The following TANC1 variants were observed in gnomAD, a reference collection of about 807,000 sequenced individuals.
TANC1 encodes the protein protein TANC1.
TANC1 carries 77 observed loss-of-function variants against 149.7 expected under a neutral mutation model. That is an observed-to-expected ratio of 0.51 (90% CI 0.43 to 0.62). The LOEUF (loss-of-function observed/expected upper bound fraction) is 0.62. Among genes scored for constraint, TANC1 ranks in the 20% least tolerant of loss-of-function variants. TANC1 has a pLI of 0.00. For missense variants in TANC1, 1,985 were observed against 2,321.8 expected, an observed-to-expected ratio of 0.85 and a Z score of 2.98; for synonymous variants, 854 against 925.0, an observed-to-expected ratio of 0.92 and a Z score of 1.39.
At chr2:159,119,909 A>G (rs1326725079) in intron 4 of TANC1, among the ~76,000 whole-genome samples, 1 of 152,338 alleles carries the variant, frequency 6.6e-6, no homozygotes, top group East Asian at 1.9e-4. Flanking sequence ...AATGGAAAGC[A>G]TGTGCTTGCC....
intron 4 of TANC1, among the ~76,000 whole-genome samples, chr2:159,134,278 T>C (rs2050419012): frequency 6.6e-6 from 1 of 152,108 alleles, no homozygotes; most frequent in Admixed American, 6.5e-5. Context: ...AGGAAGTGAT[T>C]TTGGACCAAA....
Position 159,149,238 on chromosome 2 carries a change from C to T in TANC1, c.461C>T (p.Thr154Ile), listed in dbSNP as rs1480829827. The change falls in exon 6 of 27, where the codon ACA becomes ATA. Residue 154 changes from threonine (T) to isoleucine (I), a missense_variant. By Grantham distance (89) the Thr-to-Ile change is moderately conservative (BLOSUM62 -1). Around this residue, in one of 3 missense-constraint regions of TANC1, gnomAD observed 557 missense variants for 612.9 expected, o/e 0.91. Coordinates refer to ENST00000263635, the MANE Select transcript of TANC1 (RefSeq NM_033394.3). ...CTGGGAGAAGGGATCCCAAGTGCCA[C>T]ACACATAACCATTGAAGACAAAAAT... is the stretch of plus-strand genomic sequence containing the variant. ...FLLGEGIPSATHITIEDKNET... is the reference protein window; with the variant it reads ...FLLGEGIPSAIHITIEDKNET... 1.2e-6 allele frequency: 2 copies of T among 1,614,064 alleles called. No homozygotes were observed. Among genetic ancestry groups the T allele is most frequent in the Non-Finnish European group, 1.7e-6 (2 of 1,180,016 alleles).
At chr2:158,969,471 A>AAG (rs2032505832) in intron 1 of TANC1, among the ~76,000 whole-genome samples, 1 of 152,196 alleles carries the variant, frequency 6.6e-6, no homozygotes, top group African/African-American at 2.4e-5. Flanking sequence ...GGGCGCTGAG[A>AAG]AGAGCGGTAA....
At chr2:159,148,880 A>C in intron 5 of TANC1, 1 of 307,674 alleles carries the variant, frequency 3.3e-6, no homozygotes, top group East Asian at 5.8e-5. Context: ...ATGACTCGGA[A>C]TTAGGAATTG....
rs144872062 is a variant in TANC1 at position 159,150,199 on chromosome 2, TATAG to T, written c.496-167_496-164del. ...ATTTGGAAGACCACATATACATTTA[TATAG>T]ATAAAGCTCCATGAATCCATATCTA... is the stretch of plus-strand genomic sequence containing the variant. On this transcript the variant is annotated intron_variant, in intron 6 of 26. Coordinates refer to ENST00000263635, the MANE Select transcript of TANC1 (RefSeq NM_033394.3). 5,292 of 562,132 alleles carry T rather than the reference TATAG, an allele frequency of 9.4e-3. 35 individuals are homozygous for T. Among genetic ancestry groups the T allele is most frequent in the Non-Finnish European group, 0.013 (4,052 of 320,930 alleles). The allele number at this position is 562,132 out of a possible 1,614,324, so 34.8% of individuals were successfully genotyped here.
At chr2:159,069,906 C>T (rs1212115404) in intron 3 of TANC1, among the ~76,000 whole-genome samples, 3 of 151,730 alleles carry the variant, frequency 2.0e-5, no homozygotes, top group Non-Finnish European at 4.4e-5. Context: ...GTAGCCACCA[C>T]GCTACCATGC....
chr2:159,164,261 GA>G (rs1232400122), intron 8 of TANC1, among the ~76,000 whole-genome samples: 1 of 151,640 alleles, frequency 6.6e-6, no homozygotes, highest in Non-Finnish European at 1.5e-5. Flanking sequence ...AATACCCAAG[GA>G]AAAAAATCGA....
intron 1 of TANC1, among the ~76,000 whole-genome samples, chr2:158,987,438 G>A (rs1573974786): frequency 6.6e-6 from 1 of 151,884 alleles, no homozygotes; most frequent in East Asian, 1.9e-4. Context: ...GGGGGTAGGA[G>A]GATCGCTTGA....
At chr2:158,981,493 ATATATATATATATATATAT>A (rs1559096051) in intron 1 of TANC1, among the ~76,000 whole-genome samples, 1,424 of 48,554 alleles carry the variant, frequency 0.029, 97 homozygotes, top group East Asian at 0.21. Context: ...TATAGCTTTT[ATATATATATATATATATAT>A]ATATATATAT....
At chr2:159,012,463 T>C (rs1291481112) in intron 2 of TANC1, among the ~76,000 whole-genome samples, 1 of 151,720 alleles carries the variant, frequency 6.6e-6, no homozygotes, top group African/African-American at 2.4e-5. Context: ...AGATGGTGGA[T>C]AGATGGAAGA....
chr2:159,211,552 C>T (rs1158656349), intron 19 of TANC1, among the ~76,000 whole-genome samples: 1 of 152,174 alleles, frequency 6.6e-6, no homozygotes, highest in Non-Finnish European at 1.5e-5. Context: ...GCCTTTGCAG[C>T]AGAATAGCTG....
At chr2:159,148,601 A>G (rs2052416480) in intron 5 of TANC1, 1 of 152,250 alleles carries the variant, frequency 6.6e-6, no homozygotes, top group African/African-American at 2.4e-5. Flanking sequence ...CGTCAAGTTG[A>G]AATCCTGGTT....
At chr2:159,045,306 C>A (rs530656253) in intron 2 of TANC1, among the ~76,000 whole-genome samples, 3 of 152,242 alleles carry the variant, frequency 2.0e-5, no homozygotes, top group African/African-American at 7.2e-5. Context: ...GTGGCACATG[C>A]CTGTAGTCCC....
intron 25 of TANC1, 30 bp downstream of exon 25, chr2:159,227,995 T>A: frequency 6.2e-7 from 1 of 1,600,764 alleles, no homozygotes; most frequent in Non-Finnish European, 8.5e-7. Flanking sequence ...TCCAACCCAG[T>A]CTTCCAGCAA....
intron 4 of TANC1, among the ~76,000 whole-genome samples, chr2:159,130,190 G>C (rs756580014): frequency 3.9e-5 from 6 of 152,102 alleles, no homozygotes; most frequent in Non-Finnish European, 8.8e-5. Flanking sequence ...GTCTTGTTTT[G>C]TTTTTAAGAG....
intron 8 of TANC1, among the ~76,000 whole-genome samples, chr2:159,168,567 C>A (rs1404571630): frequency 6.6e-6 from 1 of 151,930 alleles, no homozygotes; most frequent in Non-Finnish European, 1.5e-5. Flanking sequence ...CTCCCAAAGT[C>A]CTGTGATTAC....
At position 159,163,428 on chromosome 2, in the gene TANC1, G is replaced by A; in HGVS notation, c.828G>A (p.Glu276=). ...ADNCSPVAEE[E]TTGSAESTLP... is the part of the protein sequence containing the mutation. ...ACTGCTCCCCAGTGGCAGAAGAGGAGACCACCGGGTCAGCAGAGAGCACGC... is the reference window on the plus strand; with the variant it reads ...ACTGCTCCCCAGTGGCAGAAGAGGAAACCACCGGGTCAGCAGAGAGCACGC... The change falls in exon 8 of 27, where the codon GAG becomes GAA. Residue 276 remains glutamate (E), a synonymous_variant. Transcript: ENST00000263635. The A allele has an allele frequency of 6.2e-7, 1 of 1,614,192 alleles. No homozygotes were observed. The highest frequency in any genetic ancestry group is 8.5e-7 in the Non-Finnish European group (1 of 1,180,038).
intron 1 of TANC1, among the ~76,000 whole-genome samples, chr2:158,977,876 C>A (rs2033877444): frequency 6.6e-6 from 1 of 152,128 alleles, no homozygotes; most frequent in African/African-American, 2.4e-5. Flanking sequence ...GTCCCTGATA[C>A]TTTGTTTCAA....
chr2:159,023,268 T>G (rs911380628), intron 2 of TANC1, among the ~76,000 whole-genome samples: 1 of 152,110 alleles, frequency 6.6e-6, no homozygotes, highest in African/African-American at 2.4e-5. Flanking sequence ...AAGAGAGAGA[T>G]CTGTGTATGT....
Sources: gnomAD v4.1 joint callset for allele counts (sites outside exome capture counted in the v4.1 genomes callset) on GRCh38, gnomAD v4.1.1 for gene constraint, gnomAD v4.1.1 regional missense constraint, MANE v1.5 for transcripts, NCBI Gene and HGNC (gene_info 2026-07-23, HGNC 2026-07-21) for gene names.